TBL1X: variants seen among roughly 807,000 people sequenced by gnomAD.
TBL1X encodes transducin beta like 1 X-linked, also known as F-box-like/WD repeat-containing protein TBL1X.
In TBL1X, 10 loss-of-function variants were observed where a neutral mutation model predicts 50.7. The observed-to-expected ratio is 0.20, with a 90% CI of 0.12 to 0.33. The LOEUF (loss-of-function observed/expected upper bound fraction) is 0.33. TBL1X is among the 10% of genes least tolerant of loss of function. TBL1X has a pLI of 1.00. For missense variants in TBL1X, 340 were observed against 504.4 expected (o/e 0.67, Z 3.12); for synonymous variants, 190 against 214.7 (o/e 0.88, Z 1.01).
In TBL1X at chrX:9,655,843, C is replaced by T. The variant is rs562830346; in HGVS notation, c.211+1521C>T. On this transcript the variant is annotated intron_variant, in intron 5 of 17. Coordinates refer to ENST00000645353, the MANE Select transcript of TBL1X (RefSeq NM_005647.4). ...ACAGAATGGCTCGAGCTCTGATCCT[C>T]GAACAAGTCTGAGTGAGGCCTGTTC... Among the ~76,000 whole-genome samples the T allele has an allele frequency of 9.0e-4, 101 of 112,061 alleles. 1 individual carries two copies. The South Asian group carries it at 0.036, about 40-fold the overall frequency.
chrX:9,509,925 G>A (rs2082047314), intron 2 of TBL1X, among the ~76,000 whole-genome samples: 1 of 111,175 alleles, frequency 9.0e-6, no homozygotes. Context: ...GGAAAGTGCC[G>A]TCCTTGCTGT....
chrX:9,474,930 G>T (rs2081840214), intron 1 of TBL1X, among the ~76,000 whole-genome samples: 1 of 112,490 alleles, frequency 8.9e-6, no homozygotes, highest in Non-Finnish European at 1.9e-5. Flanking sequence ...CTAGAGTGTA[G>T]TGGCGTGATC....
At chrX:9,562,514 G>A (rs2147000860) in intron 2 of TBL1X, among the ~76,000 whole-genome samples, 1 of 111,532 alleles carries the variant, frequency 9.0e-6, no homozygotes. Context: ...AAGTTTGTGT[G>A]ACTTTAATGT....
intron 2 of TBL1X, among the ~76,000 whole-genome samples, chrX:9,612,186 A>G (rs1214595717): frequency 8.9e-6 from 1 of 112,214 alleles, no homozygotes; most frequent in Non-Finnish European, 1.9e-5. Flanking sequence ...TCTGTTTCAC[A>G]CTGGTCGGGG....
intron 1 of TBL1X, among the ~76,000 whole-genome samples, chrX:9,485,187 ACT>A (rs2081904832): frequency 9.0e-6 from 1 of 111,508 alleles, no homozygotes; most frequent in Non-Finnish European, 1.9e-5. Context: ...CTGGGTTAAG[ACT>A]CTGCCTTTCT....
intron 2 of TBL1X, among the ~76,000 whole-genome samples, chrX:9,573,980 A>G (rs928675037): frequency 2.7e-5 from 3 of 112,342 alleles, no homozygotes; most frequent in Middle Eastern, 4.2e-3. Flanking sequence ...ATCTTATTAA[A>G]TGCAGCCCAG....
chrX:9,496,352 T>A (rs1021808123), intron 1 of TBL1X, among the ~76,000 whole-genome samples: 4 of 112,427 alleles, frequency 3.6e-5, no homozygotes, highest in Admixed American at 2.8e-4. Flanking sequence ...TCAGTGAATA[T>A]AGGGGGCTAG....
At chrX:9,700,552 G>A (rs1449240124) in intron 12 of TBL1X, among the ~76,000 whole-genome samples, 3 of 111,430 alleles carry the variant, frequency 2.7e-5, no homozygotes, top group Non-Finnish European at 3.8e-5. Flanking sequence ...ATATCTAGGC[G>A]TTACTTGCTC....
At position 9,621,792 on chromosome X, in the gene TBL1X, TCTG is replaced by T. The variant is rs750243600; in HGVS notation, c.-130-18476_-130-18474del. Among the ~76,000 whole-genome samples, 440 of 112,014 alleles carry T rather than the reference TCTG, an allele frequency of 3.9e-3. 2 individuals carry two copies. Among genetic ancestry groups the T allele is most frequent in the African/African-American group, 0.014 (417 of 30,843 alleles). On this transcript the variant is annotated intron_variant, in intron 2 of 17. Transcript: ENST00000645353. ...AATTTAATGAACCGAAGTGTGCCCT[TCTG>T]CTGCCACGTAGCTCAGTTCTCCAGG...
chrX:9,692,486 C>T (rs748391468), intron 9 of TBL1X, among the ~76,000 whole-genome samples: 31 of 112,292 alleles, frequency 2.8e-4, no homozygotes, highest in Non-Finnish European at 5.4e-4. Flanking sequence ...CAGCTCACTG[C>T]AACTTCTGCC....
At chrX:9,584,444 G>C (rs2082458313) in intron 2 of TBL1X, among the ~76,000 whole-genome samples, 1 of 112,306 alleles carries the variant, frequency 8.9e-6, no homozygotes, top group South Asian at 3.6e-4. Flanking sequence ...ATTGTGAGTA[G>C]AGTTTAATAC....
At chrX:9,698,821 C>T (rs1280190900) in intron 12 of TBL1X, among the ~76,000 whole-genome samples, 1 of 112,048 alleles carries the variant, frequency 8.9e-6, no homozygotes, top group Admixed American at 9.4e-5. Context: ...GTGGTGTTAG[C>T]ACCTTCCTAC....
Position 9,692,191 on chromosome X carries a change from C to T in TBL1X, c.828C>T (p.His276=), listed in dbSNP as rs1397894684. 2 of 1,209,352 alleles carry T rather than the reference C, an allele frequency of 1.7e-6. No individual in the cohort carries two copies. Among genetic ancestry groups the T allele is most frequent in the Admixed American group, 4.4e-5 (2 of 45,587 alleles). The change falls in exon 9 of 18, where the codon CAC becomes CAT. Residue 276 remains histidine, a synonymous_variant. Transcript: ENST00000645353. The part of the protein sequence containing the change: ...NGGSTQLVLR[H]CIREGGHDVP... ...GCTCCACCCAGCTCGTGTTGAGGCA[C>T]TGTATACGAGAGGGGGGCCATGACG...
chrX:9,500,168 A>G (rs1186425929), intron 1 of TBL1X, among the ~76,000 whole-genome samples: 2 of 104,852 alleles, frequency 1.9e-5, no homozygotes, highest in Non-Finnish European at 3.9e-5. Context: ...TCCCAGCAAC[A>G]TGGGAGGCTG....
chrX:9,691,799 A>AAC, intron 8 of TBL1X, 88 bp downstream of exon 8: 1 of 1,120,795 alleles, frequency 8.9e-7, no homozygotes, highest in Non-Finnish European at 1.2e-6. Flanking sequence ...TGCCTAAAGG[A>AAC]ACACACACTC....
Position 9,684,149 on chromosome X carries a change from G to A in TBL1X, c.318G>A (p.Lys106=). The A allele has an allele frequency of 8.3e-7, 1 of 1,212,097 alleles. No homozygotes were observed. The highest frequency in any genetic ancestry group is 1.1e-6 in the Non-Finnish European group (1 of 895,591). ...CCGCCCTCATCTCCATTCTCCAGAAGGGCCTGCAGTATGTAGAGGCCGAGA... is the reference window on the plus strand; with the variant it reads ...CCGCCCTCATCTCCATTCTCCAGAAAGGCCTGCAGTATGTAGAGGCCGAGA... ...PPAALISILQ[K]GLQYVEAEIS... Residue 106 remains lysine, a synonymous_variant, in exon 6 of 18, where the codon AAG becomes AAA. Transcript: ENST00000645353.
intron 2 of TBL1X, among the ~76,000 whole-genome samples, chrX:9,612,488 TATTAA>T (rs2082618727): frequency 8.9e-6 from 1 of 112,445 alleles, no homozygotes; most frequent in Admixed American, 9.4e-5. Context: ...TTTTACTGTG[TATTAA>T]ATTATTATTG....
intron 12 of TBL1X, among the ~76,000 whole-genome samples, chrX:9,699,181 A>G (rs1033918423): frequency 1.8e-5 from 2 of 111,276 alleles, no homozygotes; most frequent in African/African-American, 6.5e-5. Context: ...GGGTTTCGCC[A>G]TGTTGGCCAG....
chrX:9,636,508 A>ACAACAACAACAACAACAACAACAG (rs1227479346), intron 2 of TBL1X: 2 of 110,549 alleles, frequency 1.8e-5, no homozygotes, highest in South Asian at 7.8e-4. Flanking sequence ...AACAACAACA[A>ACAACAACAACAACAACAACAACAG]CAACAACAAC....
Sources: gnomAD v4.1 joint callset for allele counts (sites outside exome capture counted in the v4.1 genomes callset) on GRCh38, gnomAD v4.1.1 for gene constraint, MANE v1.5 for transcripts, NCBI Gene and HGNC (gene_info 2026-07-23, HGNC 2026-07-21) for gene names.